The following EXOC2 variants were observed in gnomAD, a reference collection of about 807,000 sequenced individuals.
EXOC2 encodes the protein SEC5-like 1.
EXOC2 carries 70 observed loss-of-function variants against 131.8 expected under a neutral mutation model. The observed-to-expected ratio is 0.53, with a 90% CI of 0.44 to 0.65. The LOEUF (loss-of-function observed/expected upper bound fraction) is 0.65, where lower values mean the gene tolerates loss of function less well. EXOC2 is among the 30% of genes least tolerant of loss of function. The pLI, the probability that EXOC2 is intolerant of heterozygous loss-of-function variation, is 0.00. For synonymous variants in EXOC2, 411 were observed against 398.4 expected, an observed-to-expected ratio of 1.03 and a Z score of -0.38; for missense variants, 923 against 1,108.6, an observed-to-expected ratio of 0.83 and a Z score of 2.38.
intron 11 of EXOC2, among the ~76,000 whole-genome samples, chr6:581,625 A>G (rs1236577155): frequency 6.6e-6 from 1 of 152,182 alleles, no homozygotes; most frequent in African/African-American, 2.4e-5. Flanking sequence ...TATTCTTAGG[A>G]TCTAGCTATA....
chr6:533,590 C>T (rs1766237770), intron 22 of EXOC2, among the ~76,000 whole-genome samples: 1 of 152,166 alleles, frequency 6.6e-6, no homozygotes, highest in South Asian at 2.1e-4. Flanking sequence ...AGTTCAGCTG[C>T]ATGGACTGTG....
intron 27 of EXOC2, 83 bp downstream of exon 27, chr6:488,896 C>G: frequency 7.2e-7 from 1 of 1,394,564 alleles, no homozygotes; most frequent in African/African-American, 1.4e-5. Context: ...GAATCCAAAT[C>G]ATTATTTTTA....
At chr6:502,051 C>A (rs1473075146) in intron 23 of EXOC2, among the ~76,000 whole-genome samples, 1 of 152,170 alleles carries the variant, frequency 6.6e-6, no homozygotes, top group Non-Finnish European at 1.5e-5. Flanking sequence ...GCCGCTCATA[C>A]CCTCTGGGCA....
At position 491,114 on chromosome 6, in the gene EXOC2, C is replaced by A. The variant is rs761867158; in HGVS notation, c.2621+11G>T. Reference sequence around the variant, plus strand: ...TAATAGAGCACTCAACTAAAGAACACTGCCACTTACTTGCTTTCGGGTGTC... The same window carrying A: ...TAATAGAGCACTCAACTAAAGAACAATGCCACTTACTTGCTTTCGGGTGTC... On this transcript the variant is annotated intron_variant, in intron 26 of 27. Coordinates refer to ENST00000230449, the MANE Select transcript of EXOC2 (RefSeq NM_018303.6). 3 of 1,613,904 alleles carry A rather than the reference C, an allele frequency of 1.9e-6. No individual in the cohort carries two copies. In the African/African-American group the frequency reaches 4.0e-5, roughly 22 times the overall value.
At position 564,730 on chromosome 6, in the gene EXOC2, T is replaced by C. The variant is rs7757585; in HGVS notation, c.1510-28A>G. 1,072 of 1,578,664 alleles carry C rather than the reference T, an allele frequency of 6.8e-4. 8 individuals carry two copies. The African/African-American group carries it at 0.012, about 18-fold the overall frequency. ...AGAAAACCAGGAACAAGCATAACCG[T>C]GTTCAAATGTGATTAATCGGGTTAC... On this transcript the variant is annotated intron_variant, in intron 14 of 27. Transcript: ENST00000230449.
chr6:633,176 C>A, intron 2 of EXOC2, 59 bp from the exon 3 acceptor site: 1 of 1,547,384 alleles, frequency 6.5e-7, no homozygotes, highest in South Asian at 1.2e-5. Flanking sequence ...AGACCTTAAT[C>A]GTGTAGATTA....
intron 13 of EXOC2, among the ~76,000 whole-genome samples, chr6:567,058 T>C (rs1408283417): frequency 6.6e-6 from 1 of 152,226 alleles, no homozygotes; most frequent in Non-Finnish European, 1.5e-5. Flanking sequence ...ACCACCACTG[T>C]TTCCTGCCTG....
chr6:630,279 T>C (rs923947621), intron 3 of EXOC2, among the ~76,000 whole-genome samples: 2 of 152,220 alleles, frequency 1.3e-5, no homozygotes, highest in African/African-American at 4.8e-5. Flanking sequence ...TAATAAACAC[T>C]ACAATTAAAC....
intron 27 of EXOC2, among the ~76,000 whole-genome samples, chr6:488,260 C>A (rs1468886955): frequency 6.6e-6 from 1 of 152,196 alleles, no homozygotes; most frequent in African/African-American, 2.4e-5. Flanking sequence ...ACTGCATTCA[C>A]GGTGCCAGCA....
rs73371976 is a variant in EXOC2, at chr6:615,563, C to T, written c.661+2148G>A. On this transcript the variant is annotated intron_variant, in intron 6 of 27. Transcript: ENST00000230449. ...CATGAAAAACCAGAAACAGGCTGGG[C>T]GTGGAAATTAGCTGGGCGTGGTGGT... Among the ~76,000 whole-genome samples, 574 of 151,712 alleles carry T rather than the reference C, an allele frequency of 3.8e-3. 3 individuals carry two copies. Among genetic ancestry groups the T allele is most frequent in the African/African-American group, 0.013 (550 of 41,400 alleles).
At chr6:642,756 A>G (rs1762411821) in intron 1 of EXOC2, among the ~76,000 whole-genome samples, 1 of 152,208 alleles carries the variant, frequency 6.6e-6, no homozygotes, top group Non-Finnish European at 1.5e-5. Flanking sequence ...GAAATGAAAA[A>G]TACACTGATT....
intron 1 of EXOC2, among the ~76,000 whole-genome samples, chr6:672,694 C>A (rs950382050): frequency 1.1e-4 from 16 of 152,062 alleles, no homozygotes; most frequent in African/African-American, 3.6e-4. Context: ...GTTTGTTTAG[C>A]TTTTTCCTTA....
chr6:632,996 T>G lies in EXOC2; in HGVS notation c.240A>C (p.Ser80=). 6.2e-7 allele frequency: 1 copy of G among 1,614,176 alleles called. No individual in the cohort carries two copies. Among genetic ancestry groups the G allele is most frequent in the Non-Finnish European group, 8.5e-7 (1 of 1,180,020 alleles). ...DKGDIIVTTK[S]GGRGTSTVSF... Reference sequence around the variant, plus strand: ...AGACTGTTGAGGTTCCTCTGCCACCTGACTTAGTGGTGACAATAATGTCTC... The same window carrying G: ...AGACTGTTGAGGTTCCTCTGCCACCGGACTTAGTGGTGACAATAATGTCTC... The change falls in exon 3 of 28, where the codon TCA becomes TCC. Residue 80 remains serine, a synonymous_variant. Coordinates refer to ENST00000230449, the MANE Select transcript of EXOC2 (RefSeq NM_018303.6).
At chr6:652,437 T>G (rs1324463488) in intron 1 of EXOC2, among the ~76,000 whole-genome samples, 2 of 152,180 alleles carry the variant, frequency 1.3e-5, no homozygotes, top group Non-Finnish European at 1.5e-5. Flanking sequence ...TCACCAAATC[T>G]AGTAGGAAAC....
intron 23 of EXOC2, among the ~76,000 whole-genome samples, chr6:521,916 A>G (rs1325320904): frequency 6.6e-6 from 1 of 152,220 alleles, no homozygotes; most frequent in African/African-American, 2.4e-5. Flanking sequence ...CATTTATTGA[A>G]TAAAAAATAG....
intron 1 of EXOC2, chr6:656,737 C>G: frequency 6.3e-7 from 1 of 1,591,504 alleles, no homozygotes; most frequent in Non-Finnish European, 8.6e-7. Flanking sequence ...TCCGAGACAC[C>G]TTCCATGCGA....
At chr6:540,452 G>A (rs1197610891) in intron 22 of EXOC2, among the ~76,000 whole-genome samples, 1 of 152,194 alleles carries the variant, frequency 6.6e-6, no homozygotes, top group Non-Finnish European at 1.5e-5. Flanking sequence ...TACCATTCCA[G>A]AGTAAGTTAA....
chr6:567,650 C>T (rs760328473), intron 13 of EXOC2, among the ~76,000 whole-genome samples: 3 of 152,030 alleles, frequency 2.0e-5, no homozygotes, highest in Non-Finnish European at 2.9e-5. Context: ...TACATGTCTA[C>T]ATACGTGTAC....
At chr6:691,804 A>G (rs1303477042) in intron 1 of EXOC2, among the ~76,000 whole-genome samples, 1 of 152,260 alleles carries the variant, frequency 6.6e-6, no homozygotes, top group Non-Finnish European at 1.5e-5. Context: ...AAAACTTCCA[A>G]GAGTTGGTCC....
Sources: allele counts gnomAD v4.1 joint callset (sites outside exome capture counted in the v4.1 genomes callset), GRCh38; gene constraint gnomAD v4.1.1; transcripts MANE v1.5; gene names NCBI Gene and HGNC (gene_info 2026-07-23, HGNC 2026-07-21).